Variants in PCDH9 observed in about 807,000 individuals in gnomAD.
The protein encoded by PCDH9 is protocadherin-9.
Under a neutral mutation model 70.6 loss-of-function variants are expected in PCDH9, and 24 were observed. The ratio of observed to expected loss-of-function variants is 0.34; its 90% CI spans 0.25 to 0.48. PCDH9 has a LOEUF of 0.48. PCDH9 is among the 20% of genes least tolerant of loss of function. PCDH9 has a pLI of 0.99. For synonymous variants in PCDH9, 562 were observed against 558.5 expected, an observed-to-expected ratio of 1.01 and a Z score of -0.09; for missense variants, 1,281 against 1,503.6, an observed-to-expected ratio of 0.85 and a Z score of 2.45.
At chr13:66,715,236 T>C (rs943818896) in intron 3 of PCDH9, among the ~76,000 whole-genome samples, 4 of 152,186 alleles carry the variant, frequency 2.6e-5, no homozygotes, top group African/African-American at 9.7e-5. Context: ...TCTAAATCAT[T>C]TTCTATTACA....
intron 4 of PCDH9, among the ~76,000 whole-genome samples, chr13:66,372,526 G>A (rs943665942): frequency 6.6e-6 from 1 of 151,566 alleles, no homozygotes; most frequent in African/African-American, 2.4e-5. Flanking sequence ...AGATGGGTAA[G>A]AGGTTAAAAT....
intron 3 of PCDH9, among the ~76,000 whole-genome samples, chr13:66,892,170 C>A (rs2082106740): frequency 6.7e-6 from 1 of 149,084 alleles, no homozygotes; most frequent in South Asian, 2.1e-4. Flanking sequence ...TGTGTATACT[C>A]CTCATTGTGT....
intron 2 of PCDH9, among the ~76,000 whole-genome samples, chr13:66,992,648 A>G (rs1566347640): frequency 6.6e-6 from 1 of 152,154 alleles, no homozygotes; most frequent in East Asian, 1.9e-4. Context: ...ATTTATATAT[A>G]TAGGCTAATT....
intron 4 of PCDH9, among the ~76,000 whole-genome samples, chr13:66,355,037 C>T (rs752466062): frequency 1.9e-4 from 29 of 152,072 alleles, no homozygotes; most frequent in East Asian, 1.9e-4. Context: ...TGCTGCCGGT[C>T]GGTCCATGGA....
chr13:67,222,619 T>G (rs2089755265), intron 2 of PCDH9: 1 of 152,154 alleles, frequency 6.6e-6, no homozygotes, highest in Admixed American at 6.5e-5. Flanking sequence ...TTTACCCACA[T>G]ATCAATTAAT....
intron 4 of PCDH9, among the ~76,000 whole-genome samples, chr13:66,528,343 A>G (rs990521954): frequency 2.6e-5 from 4 of 152,060 alleles, no homozygotes; most frequent in Admixed American, 6.6e-5. Context: ...AGGTCACTCA[A>G]TTATCCTCTC....
chr13:66,353,099 G>T (rs1305985113), intron 4 of PCDH9, among the ~76,000 whole-genome samples: 1 of 152,130 alleles, frequency 6.6e-6, no homozygotes, highest in Non-Finnish European at 1.5e-5. Context: ...ATTGATTCAA[G>T]ATTCAATGAA....
chr13:66,914,429 T>A (rs1456818083), intron 2 of PCDH9: 1 of 151,874 alleles, frequency 6.6e-6, no homozygotes, highest in Admixed American at 6.6e-5. Flanking sequence ...GAAGACTCTG[T>A]GGAATACGAA....
chr13:67,171,982 T>A (rs546972636), intron 2 of PCDH9, among the ~76,000 whole-genome samples: 1 of 152,276 alleles, frequency 6.6e-6, no homozygotes, highest in East Asian at 1.9e-4. Flanking sequence ...GAGAGCACAA[T>A]ATAATAGAGC....
intron 4 of PCDH9, among the ~76,000 whole-genome samples, chr13:66,473,860 T>C (rs1958667533): frequency 6.6e-6 from 1 of 152,150 alleles, no homozygotes; most frequent in Admixed American, 6.5e-5. Context: ...CCTGTGGATA[T>C]GCAGGTCTCT....
intron 2 of PCDH9, among the ~76,000 whole-genome samples, chr13:66,988,151 T>C (rs1448405315): frequency 1.3e-5 from 2 of 152,006 alleles, no homozygotes; most frequent in Non-Finnish European, 2.9e-5. Context: ...TCCTTGCACC[T>C]TGGGAACTTT....
At chr13:66,539,330 C>T (rs941803034) in intron 4 of PCDH9, among the ~76,000 whole-genome samples, 5 of 151,948 alleles carry the variant, frequency 3.3e-5, no homozygotes, top group Non-Finnish European at 7.4e-5. Context: ...ATTGTATTTC[C>T]CATAATCCTT....
intron 4 of PCDH9, among the ~76,000 whole-genome samples, chr13:66,535,599 A>G (rs1011918480): frequency 6.6e-6 from 1 of 152,060 alleles, no homozygotes; most frequent in African/African-American, 2.4e-5. Context: ...GCCACTTTCC[A>G]GAATTTCATA....
intron 4 of PCDH9, among the ~76,000 whole-genome samples, chr13:66,592,166 A>G (rs916737365): frequency 6.6e-6 from 1 of 151,726 alleles, no homozygotes; most frequent in Non-Finnish European, 1.5e-5. Context: ...TAAATTCATC[A>G]TTAAGAAAAG....
intron 2 of PCDH9, among the ~76,000 whole-genome samples, chr13:67,185,121 T>C (rs561387106): frequency 5.3e-5 from 8 of 152,276 alleles, no homozygotes; most frequent in Non-Finnish European, 1.0e-4. Context: ...TTAAAATAAA[T>C]ATATTGTTTG....
At chr13:67,191,490 A>G (rs926175452) in intron 2 of PCDH9, among the ~76,000 whole-genome samples, 2 of 152,032 alleles carry the variant, frequency 1.3e-5, no homozygotes, top group Admixed American at 6.6e-5. Context: ...AATTATTTCA[A>G]CCCTTTTAAA....
Position 66,305,658 on chromosome 13 carries a change from A to G in PCDH9, c.3341-630T>C, listed in dbSNP as rs150779350. Among the ~76,000 whole-genome samples, 136 of 152,244 alleles carry G rather than the reference A, an allele frequency of 8.9e-4. 2 individuals are homozygous for G. In the East Asian group the frequency reaches 0.023, roughly 25 times the overall value. On this transcript the variant is annotated intron_variant, in intron 4 of 4. Transcript: ENST00000377865. ...GAATAACTATTGTATCTTACTAACA[A>G]CACACCTGGTCAGCTGCAAACATTC... is the stretch of plus-strand genomic sequence containing the variant.
chr13:66,845,635 C>T (rs559164915), intron 3 of PCDH9, among the ~76,000 whole-genome samples: 1 of 152,246 alleles, frequency 6.6e-6, no homozygotes, highest in East Asian at 1.9e-4. Context: ...AGCCGCTGCA[C>T]CTAGGAGGGC....
At chr13:67,168,885 A>G (rs1372633413) in intron 2 of PCDH9, among the ~76,000 whole-genome samples, 10 of 152,228 alleles carry the variant, frequency 6.6e-5, no homozygotes. Flanking sequence ...CTTTTTCTGA[A>G]TCTTACAGCC....
Sources: gnomAD v4.1 joint callset for allele counts (sites outside exome capture counted in the v4.1 genomes callset) on GRCh38, gnomAD v4.1.1 for gene constraint, MANE v1.5 for transcripts, NCBI Gene and HGNC (gene_info 2026-07-23, HGNC 2026-07-21) for gene names.